ABLIM2: variants seen among roughly 807,000 people sequenced by gnomAD.
ABLIM2 encodes actin binding LIM protein family member 2.
In ABLIM2, 53 loss-of-function variants were observed where a neutral mutation model predicts 97.7. The ratio of observed to expected loss-of-function variants is 0.54; its 90% CI spans 0.44 to 0.68. ABLIM2 has a LOEUF of 0.68. ABLIM2 is among the 30% of genes least tolerant of loss of function. The pLI, the probability that ABLIM2 is intolerant of heterozygous loss-of-function variation, is 0.00. For synonymous variants in ABLIM2, 361 were observed against 345.8 expected (o/e 1.04, Z -0.49); for missense variants, 835 against 867.2 (o/e 0.96, Z 0.47).
rs1250468281 is a variant in ABLIM2, at chr4:8,095,052, C to T, written c.338+2047G>A. ...CACTTCTTTCCTTCCTTCCTTCTTTCTTTCTTTCTCTTTCTTTCTTTCTCT... is the reference window on the plus strand; with the variant it reads ...CACTTCTTTCCTTCCTTCCTTCTTTTTTTCTTTCTCTTTCTTTCTTTCTCT... On this transcript the variant is annotated intron_variant, in intron 3 of 20. Transcript: ENST00000447017. The surrounding 1 kb of genome is among the most constrained non-coding windows in gnomAD (Gnocchi z 4.7). Among the ~76,000 whole-genome samples the T allele has an allele frequency of 2.2e-5, 3 of 138,664 alleles. No individual in the cohort carries two copies. The highest frequency in any genetic ancestry group is 4.7e-5 in the Non-Finnish European group (3 of 63,356). The allele number at this position is 138,664 out of a possible 152,430, so 91.0% of individuals were successfully genotyped here. A position where few individuals can be genotyped will look rare whatever the true frequency, so the allele number is the denominator to read the frequency against.
intron 1 of ABLIM2, among the ~76,000 whole-genome samples, chr4:8,151,990 C>T (rs939306289): frequency 1.3e-5 from 2 of 152,214 alleles, no homozygotes; most frequent in South Asian, 2.1e-4. Flanking sequence ...TAGGCAGGAA[C>T]CCCCATAGGA....
At chr4:8,064,737 T>A (rs1002796211) in intron 6 of ABLIM2, among the ~76,000 whole-genome samples, 1 of 152,092 alleles carries the variant, frequency 6.6e-6, no homozygotes, top group Non-Finnish European at 1.5e-5. Flanking sequence ...GGCAAAGCGA[T>A]CTACCTGGCT....
rs183789715 is a variant in ABLIM2 at position 8,044,337 on chromosome 4, C to T, written c.900+827G>A. On this transcript the variant is annotated intron_variant, in intron 9 of 20. Coordinates refer to ENST00000447017, the MANE Select transcript of ABLIM2 (RefSeq NM_001130083.2). This position sits in a 1 kb window ranked among gnomAD's most constrained non-coding sequence, Gnocchi z 4.4. ...GTCCCGGGTGACCCCTGGCCACCAC[C>T]GCATAAGCCATCCCTCACCTGGCGC... 5.9e-5 allele frequency among the ~76,000 whole-genome samples: 9 copies of T among 152,126 alleles called. No individual in the cohort carries two copies. The highest frequency in any genetic ancestry group is 4.1e-4 in the South Asian group (2 of 4,824).
At chr4:8,066,360 G>GGGAGGGAATGAA (rs1320021470) in intron 6 of ABLIM2, among the ~76,000 whole-genome samples, 1 of 51,194 alleles carries the variant, frequency 2.0e-5, no homozygotes, top group African/African-American at 7.2e-5. Context: ...GAGGGAGGGA[G>GGGAGGGAATGAA]GGAAGGAAGG....
chr4:7,971,684 C>T (rs368886094), intron 20 of ABLIM2, among the ~76,000 whole-genome samples: 1 of 152,124 alleles, frequency 6.6e-6, no homozygotes, highest in Admixed American at 6.6e-5. Flanking sequence ...ATGCCACCTC[C>T]ACTCCATCAG....
rs1456349464 is a variant in ABLIM2 at position 8,132,680 on chromosome 4, C to T, written c.10+26000G>A. Among the ~76,000 whole-genome samples the T allele has an allele frequency of 2.6e-5, 4 of 152,198 alleles. No homozygotes were observed. The highest frequency in any genetic ancestry group is 7.2e-5 in the African/African-American group (3 of 41,456). ...CGGCCCCTACCCCGCTGTCTTCCCTCGGGTGACTCAGTCCTGGGCCTGCAA... is the reference window on the plus strand; with the variant it reads ...CGGCCCCTACCCCGCTGTCTTCCCTTGGGTGACTCAGTCCTGGGCCTGCAA... On this transcript the variant is annotated intron_variant, in intron 1 of 20. Transcript: ENST00000447017. The surrounding 1 kb of genome is among the most constrained non-coding windows in gnomAD (Gnocchi z 8.0).
At chr4:8,158,458 G>A (rs1300301769) in intron 1 of ABLIM2, among the ~76,000 whole-genome samples, 4 of 152,148 alleles carry the variant, frequency 2.6e-5, no homozygotes, top group Non-Finnish European at 5.9e-5. Flanking sequence ...GGCGCGCTGG[G>A]AAAGGATCCC....
At position 8,023,076 on chromosome 4, in the gene ABLIM2, C is replaced by CT. The variant is rs1775002069; in HGVS notation, c.1268-2774_1268-2773insA. On this transcript the variant is annotated intron_variant, in intron 12 of 20. Coordinates refer to ENST00000447017, the MANE Select transcript of ABLIM2 (RefSeq NM_001130083.2). This position sits in a 1 kb window ranked among gnomAD's most constrained non-coding sequence, Gnocchi z 5.7. ...TCTCTACTTTTTCCTCTTCCTCCTC[C>CT]CCCTCCTCTCCTCTTCCATTTTTAA... 1 of 152,448 alleles carries CT rather than the reference C, an allele frequency of 6.6e-6. No homozygotes were observed. The highest frequency in any genetic ancestry group is 2.4e-5 in the African/African-American group (1 of 41,282). 9.4% of individuals were successfully genotyped at this position (152,448 alleles called of 1,614,324 possible).
chr4:8,099,961 T>C (rs1305156180), intron 2 of ABLIM2, among the ~76,000 whole-genome samples: 1 of 152,244 alleles, frequency 6.6e-6, no homozygotes. Flanking sequence ...ATTGTTCTTA[T>C]ATTGCATTTT....
Position 8,130,547 on chromosome 4 carries a change from G to A in ABLIM2, c.11-23910C>T, listed in dbSNP as rs917548952. 4.6e-5 allele frequency among the ~76,000 whole-genome samples: 7 copies of A among 152,070 alleles called. No individual in the cohort carries two copies. Among genetic ancestry groups the A allele is most frequent in the African/African-American group, 1.4e-4 (6 of 41,410 alleles). On this transcript the variant is annotated intron_variant, in intron 1 of 20. Transcript: ENST00000447017. The surrounding 1 kb of genome is among the most constrained non-coding windows in gnomAD (Gnocchi z 4.2). ...CTTCCCCGAGACACTGTGAGGTGGC[G>A]CCACGCTTGGCCCCGCATTACTGGG... is the stretch of plus-strand genomic sequence containing the variant.
Position 8,061,119 on chromosome 4 carries a change from C to T in ABLIM2, c.676-65G>A, listed in dbSNP as rs139436500. ...CAGAAAGGTCGGCTGGGTCCCAGCG[C>T]CCGGCATGGATACAGCATGCCCTGA... On this transcript the variant is annotated intron_variant, in intron 6 of 20. Coordinates refer to ENST00000447017, the MANE Select transcript of ABLIM2 (RefSeq NM_001130083.2). This position sits in a 1 kb window ranked among gnomAD's most constrained non-coding sequence, Gnocchi z 4.5. 182 of 1,399,202 alleles carry T rather than the reference C, an allele frequency of 1.3e-4. No homozygotes were observed. The African/African-American group carries it at 2.1e-3, about 16-fold the overall frequency. The allele number at this position is 1,399,202 out of a possible 1,614,324, so 86.7% of individuals were successfully genotyped here.
intron 14 of ABLIM2, among the ~76,000 whole-genome samples, chr4:8,012,795 C>G (rs1454323442): frequency 2.0e-5 from 3 of 152,124 alleles, no homozygotes; most frequent in Non-Finnish European, 4.4e-5. Context: ...CATCCATCTA[C>G]CCACTCATCC....
intron 1 of ABLIM2, among the ~76,000 whole-genome samples, chr4:8,153,136 C>A (rs752893509): frequency 1.3e-5 from 2 of 152,110 alleles, no homozygotes; most frequent in Non-Finnish European, 2.9e-5. Context: ...AAGACAGGCC[C>A]CTTCATCTCC....
intron 1 of ABLIM2, among the ~76,000 whole-genome samples, chr4:8,121,405 C>G (rs532607680): frequency 6.6e-6 from 1 of 152,360 alleles, no homozygotes; most frequent in East Asian, 1.9e-4. Flanking sequence ...CCGGCACCCA[C>G]ATTCCTGGAG....
rs1160112505 is a variant in ABLIM2 at position 8,036,063 on chromosome 4, T to A, written c.1047+86A>T. The stretch of plus-strand genomic sequence containing the variant: ...GAAGATGGAAGTGGCTCTGGCCCCA[T>A]AGGACACATGCTAGGGATGACGCCT... On this transcript the variant is annotated intron_variant, in intron 10 of 20. Coordinates refer to ENST00000447017, the MANE Select transcript of ABLIM2 (RefSeq NM_001130083.2). 1.7e-5 allele frequency: 25 copies of A among 1,506,110 alleles called. No homozygotes were observed. The Admixed American group carries it at 2.6e-4, about 16-fold the overall frequency. The allele number at this position is 1,506,110 out of a possible 1,614,324, so 93.3% of individuals were successfully genotyped here.
rs558123800 is a variant in ABLIM2 at position 8,038,182 on chromosome 4, G to T, written c.901-1887C>A. ...GCAAAACACAATGATGCCACAAAGG[G>T]GTGCTCACAGAAGCTCCTTTTCACA... On this transcript the variant is annotated intron_variant, in intron 9 of 20. Coordinates refer to ENST00000447017, the MANE Select transcript of ABLIM2 (RefSeq NM_001130083.2). 1.4e-4 allele frequency among the ~76,000 whole-genome samples: 22 copies of T among 152,252 alleles called. No individual in the cohort carries two copies. The South Asian group carries it at 4.6e-3, about 32-fold the overall frequency.
At chr4:7,995,813 G>A (rs972861345) in intron 16 of ABLIM2, among the ~76,000 whole-genome samples, 6 of 152,128 alleles carry the variant, frequency 3.9e-5, no homozygotes, top group South Asian at 2.1e-4. Flanking sequence ...GGCGGGGGTC[G>A]GGGGCCAGAC....
rs13151663 is a variant in ABLIM2 at position 8,032,770 on chromosome 4, G to A, written c.1048-2994C>T. Reference sequence around the variant, plus strand: ...TCCGTGACTGGCAGGCAACACAGGCGCAAACACCCACACAGAGCCCTGATC... The same window carrying A: ...TCCGTGACTGGCAGGCAACACAGGCACAAACACCCACACAGAGCCCTGATC... On this transcript the variant is annotated intron_variant, in intron 10 of 20. Transcript: ENST00000447017. This position sits in a 1 kb window ranked among gnomAD's most constrained non-coding sequence, Gnocchi z 4.3. 329,208 of 1,353,492 alleles carry A rather than the reference G, an allele frequency of 0.24. 42,561 individuals carry two copies. Among genetic ancestry groups the A allele is most frequent in the Non-Finnish European group, 0.28 (262,911 of 949,406 alleles). The allele number at this position is 1,353,492 out of a possible 1,614,324, so 83.8% of individuals were successfully genotyped here.
chr4:8,094,505 G>C (rs774795508), intron 3 of ABLIM2, among the ~76,000 whole-genome samples: 1 of 152,184 alleles, frequency 6.6e-6, no homozygotes, highest in African/African-American at 2.4e-5. Flanking sequence ...CAGGGTATAC[G>C]TGACTGGGGG....
Sources: gnomAD v4.1 joint callset for allele counts (sites outside exome capture counted in the v4.1 genomes callset) on GRCh38, gnomAD v4.1.1 for gene constraint, Gnocchi (gnomAD v3.1) non-coding constraint, MANE v1.5 for transcripts, NCBI Gene and HGNC (gene_info 2026-07-23, HGNC 2026-07-21) for gene names.